Variants in NOP58 observed in about 807,000 individuals in gnomAD.
NOP58 encodes NOP58 ribonucleoprotein.
Under a neutral mutation model 71.2 loss-of-function variants are expected in NOP58, and 44 were observed. The ratio of observed to expected loss-of-function variants is 0.62; its 90% confidence interval spans 0.49 to 0.79. The LOEUF is 0.79. NOP58 is among the 30% of genes least tolerant of loss of function. The pLI, the probability that NOP58 is intolerant of heterozygous loss-of-function variation, is 0.00. For synonymous variants in NOP58, 228 were observed against 200.3 expected (o/e 1.14, Z -1.17); for missense variants, 538 against 620.2 (o/e 0.87, Z 1.41).
chr2:202,287,580 CAAAA>C (rs539401386), intron 5 of NOP58, 76 bp from the exon 6 acceptor site: 1 of 1,111,814 alleles, frequency 9.0e-7, no homozygotes, highest in Non-Finnish European at 1.3e-6. Flanking sequence ...AAAACAAAAA[CAAAA>C]AAAAACTTTA....
At chr2:202,285,910 A>G (rs1019846514) in intron 5 of NOP58, among the ~76,000 whole-genome samples, 1 of 152,086 alleles carries the variant, frequency 6.6e-6, no homozygotes, top group Non-Finnish European at 1.5e-5. Flanking sequence ...AAGAAACACT[A>G]CAGGCTGGGC....
At chr2:202,271,293 C>T (rs1243594206) in intron 1 of NOP58, among the ~76,000 whole-genome samples, 4 of 151,794 alleles carry the variant, frequency 2.6e-5, no homozygotes, top group Non-Finnish European at 4.4e-5. Context: ...TGGTGGCTCA[C>T]GCCTGTCATC....
In NOP58 at chr2:202,294,353, AAAG is replaced by A. The variant is rs1204994848; in HGVS notation, c.908-1318_908-1316del. 3.1e-3 allele frequency among the ~76,000 whole-genome samples: 471 copies of A among 151,692 alleles called. 7 individuals carry two copies. The highest frequency in any genetic ancestry group is 3.1e-3 in the Non-Finnish European group (212 of 67,924). On this transcript the variant is annotated intron_variant, in intron 9 of 14. Transcript: ENST00000264279. ...CTCCATCTCAAAAAAAAAAAAAAAA[AAAG>A]AACTATGTATTTGTTACACTTTTAA...
rs745751519 is a variant in NOP58 at position 202,290,446 on chromosome 2, T to C, written c.623T>C (p.Leu208Ser). ...GATAATTTAACATACTGCAAGTGTT[T>C]ACAGAAAGTTGGTGAGTAATTTGTT... The part of the protein sequence containing the change: ...ISDNLTYCKC[L>S]QKVGDRKNYA... Residue 208 changes from leucine to serine, a missense_variant, in exon 7 of 15, where the codon TTA becomes TCA. By Grantham distance (145) the Leu-to-Ser change is moderately radical. Coordinates refer to ENST00000264279, the MANE Select transcript of NOP58 (RefSeq NM_015934.5). 1.2e-6 allele frequency: 2 copies of C among 1,608,646 alleles called. No homozygotes were observed. Among genetic ancestry groups the C allele is most frequent in the Non-Finnish European group, 1.7e-6 (2 of 1,178,212 alleles).
chr2:202,271,222 G>A (rs1213183075), intron 1 of NOP58, among the ~76,000 whole-genome samples: 1 of 152,042 alleles, frequency 6.6e-6, no homozygotes, highest in African/African-American at 2.4e-5. Flanking sequence ...CCTAAAATTG[G>A]GATGTCTTAC....
At chr2:202,284,310 T>A (rs757189623) in intron 4 of NOP58, 35 bp from the exon 5 acceptor site, 1 of 1,494,354 alleles carries the variant, frequency 6.7e-7, no homozygotes, top group African/African-American at 1.4e-5. Flanking sequence ...AGTCTTTTTT[T>A]TTTTAATTTA....
intron 6 of NOP58, among the ~76,000 whole-genome samples, chr2:202,288,761 G>T (rs1210953503): frequency 6.6e-6 from 1 of 151,922 alleles, no homozygotes; most frequent in African/African-American, 2.4e-5. Flanking sequence ...GTTGCAGTGG[G>T]CCGAGATCGC....
intron 1 of NOP58, among the ~76,000 whole-genome samples, chr2:202,267,950 ATAAC>A (rs1423765271): frequency 6.6e-6 from 1 of 152,228 alleles, no homozygotes; most frequent in Non-Finnish European, 1.5e-5. Flanking sequence ...TACTAAAGAA[ATAAC>A]TAGTTAAGCT....
intron 9 of NOP58, 71 bp from the exon 10 acceptor site, chr2:202,295,603 G>A: frequency 9.6e-7 from 1 of 1,046,388 alleles, no homozygotes; most frequent in Non-Finnish European, 1.3e-6. Context: ...AATTCTATAG[G>A]TCTTTTGTTT....
At chr2:202,277,920 CAT>C in intron 2 of NOP58, 28 bp from the exon 3 acceptor site, 1 of 1,229,736 alleles carries the variant, frequency 8.1e-7, no homozygotes, top group South Asian at 1.3e-5. Context: ...CCCCCAATAA[CAT>C]GTTTATCTCT....
At chr2:202,275,013 C>T in intron 1 of NOP58, 100 bp from the exon 2 acceptor site, 1 of 451,384 alleles carries the variant, frequency 2.2e-6, no homozygotes. Flanking sequence ...GAAATAGCTT[C>T]TACACCTTCA....
intron 6 of NOP58, among the ~76,000 whole-genome samples, chr2:202,288,875 T>C (rs1372688942): frequency 1.3e-5 from 2 of 151,598 alleles, no homozygotes; most frequent in African/African-American, 4.9e-5. Context: ...TCCTAGCACA[T>C]TGGGAGGCCA....
intron 1 of NOP58, among the ~76,000 whole-genome samples, chr2:202,271,385 G>A (rs115961068): frequency 0.033 from 4,761 of 145,440 alleles, 233 homozygotes; most frequent in African/African-American, 0.11. Context: ...GTGCAACCCC[G>A]ACTTTACTAA....
chr2:202,296,748 T>TG lies in NOP58; in HGVS notation c.1072-631_1072-630insG, dbSNP rs61163986. Among the ~76,000 whole-genome samples the TG allele has an allele frequency of 3.1e-4, 47 of 150,174 alleles. No individual in the cohort carries two copies. The East Asian group carries it at 4.3e-3, about 14-fold the overall frequency. ...TTGTTTGTTTGTTTGTTTGTTTGTT[T>TG]TTTGAGATGGAGTCTCACTCTGTCG... On this transcript the variant is annotated intron_variant, in intron 10 of 14. Transcript: ENST00000264279.
chr2:202,288,093 G>A (rs1163497638), intron 6 of NOP58, among the ~76,000 whole-genome samples: 6 of 152,054 alleles, frequency 3.9e-5, no homozygotes, highest in African/African-American at 4.8e-5. Context: ...TTAACATTAC[G>A]TTAATTAATT....
Position 202,297,451 on chromosome 2 carries a change from G to T in NOP58, c.1144G>T (p.Ala382Ser), listed in dbSNP as rs1202556893. Reference sequence around the variant, plus strand: ...TGCTTTTGGTGAGGATTCAAGTTCTGCAATGGGAGTTGAGAACAGAGCCAA... The same window carrying T: ...TGCTTTTGGTGAGGATTCAAGTTCTTCAATGGGAGTTGAGAACAGAGCCAA... ...YDAFGEDSSS[A>S]MGVENRAKLE... The change falls in exon 11 of 15, where the codon GCA (alanine) becomes TCA (serine). Residue 382 changes from alanine to serine, a missense_variant. Transcript: ENST00000264279. 6.2e-7 allele frequency: 1 copy of T among 1,614,018 alleles called. No homozygotes were observed. The highest frequency in any genetic ancestry group is 1.1e-5 in the South Asian group (1 of 91,070).
rs2105854525 is a variant in NOP58, at chr2:202,295,837, G to GGTGT, written c.1071+3_1071+6dup. On this transcript the variant is annotated frameshift_variant and splice_region_variant. Transcript: ENST00000264279. LOFTEE classifies it high-confidence loss of function. Reference sequence around the variant, plus strand: ...AGACAAGTCCCAAACACAAAGGAAAGGTGTGTTATAGGGTTTTGCTTTGTT... The same window carrying GGTGT: ...AGACAAGTCCCAAACACAAAGGAAAGGTGTGTGTGTTATAGGGTTTTGCTTTGTT... The GGTGT allele has an allele frequency of 2.6e-6, 4 of 1,568,272 alleles. No homozygotes were observed. Among genetic ancestry groups the GGTGT allele is most frequent in the Non-Finnish European group, 3.4e-6 (4 of 1,161,564 alleles).
intron 10 of NOP58, among the ~76,000 whole-genome samples, chr2:202,296,949 G>A (rs902718712): frequency 2.6e-5 from 4 of 152,070 alleles, no homozygotes; most frequent in African/African-American, 9.7e-5. Flanking sequence ...TAGCCAGGAT[G>A]GTCTCGATCT....
At chr2:202,299,247 A>C (rs11886394) in intron 12 of NOP58, among the ~76,000 whole-genome samples, 22,379 of 151,996 alleles carry the variant, frequency 0.15, 1,729 homozygotes, top group South Asian at 0.26. Context: ...CGTGAGCCAC[A>C]GCACCCGGCC....
Sources: gnomAD v4.1 joint callset for allele counts (sites outside exome capture counted in the v4.1 genomes callset) on GRCh38, gnomAD v4.1.1 for gene constraint, MANE v1.5 for transcripts, NCBI Gene and HGNC (gene_info 2026-07-23, HGNC 2026-07-21) for gene names.